Variants in PLCB4 observed in about 807,000 individuals in gnomAD.
The protein encoded by PLCB4 is phospholipase C beta 4, also known as 1-phosphatidylinositol 4,5-bisphosphate phosphodiesterase beta-4.
In PLCB4, 77 loss-of-function variants were observed where a neutral mutation model predicts 178.8. That is an observed-to-expected ratio of 0.43 (90% CI 0.36 to 0.52). The LOEUF is 0.52. Among genes scored for constraint, PLCB4 ranks in the 20% least tolerant of loss-of-function variants. The pLI, the probability that PLCB4 is intolerant of heterozygous loss-of-function variation, is 0.00. For synonymous variants in PLCB4, 496 were observed against 490.8 expected (o/e 1.01, Z -0.14); for missense variants, 1,024 against 1,453.4 (o/e 0.70, Z 4.80).
At chr20:9,084,883 T>C (rs1337079183) in intron 1 of PLCB4, among the ~76,000 whole-genome samples, 3 of 152,014 alleles carry the variant, frequency 2.0e-5, no homozygotes, top group Non-Finnish European at 4.4e-5. Context: ...AAACCCCGTC[T>C]CTACTGAAAA....
intron 2 of PLCB4, among the ~76,000 whole-genome samples, chr20:9,183,101 G>A (rs1332029120): frequency 6.6e-6 from 1 of 152,020 alleles, no homozygotes; most frequent in Non-Finnish European, 1.5e-5. Context: ...CCCCTGCCCC[G>A]GAGGATGTTG....
chr20:9,407,314 A>G (rs2039515382), intron 21 of PLCB4, among the ~76,000 whole-genome samples: 1 of 152,162 alleles, frequency 6.6e-6, no homozygotes, highest in Non-Finnish European at 1.5e-5. Context: ...CTCAATTTGT[A>G]AAAATATGAT....
intron 2 of PLCB4, among the ~76,000 whole-genome samples, chr20:9,120,393 G>T (rs1402711149): frequency 6.6e-6 from 1 of 152,080 alleles, no homozygotes; most frequent in South Asian, 2.1e-4. Context: ...TCCCAAAAGT[G>T]CTGGGATTAC....
chr20:9,428,584 CT>C (rs1238988277), intron 28 of PLCB4, among the ~76,000 whole-genome samples: 1 of 152,116 alleles, frequency 6.6e-6, no homozygotes, highest in Non-Finnish European at 1.5e-5. Flanking sequence ...AATGCTTAAT[CT>C]TTTGGTAGGA....
chr20:9,403,429 A>AAGAAACCAGGAAAG (rs2039193824), intron 20 of PLCB4, among the ~76,000 whole-genome samples: 2 of 152,202 alleles, frequency 1.3e-5, no homozygotes, highest in Non-Finnish European at 2.9e-5. Flanking sequence ...CAGTGTTAAC[A>AAGAAACCAGGAAAG]GAAGGACTGA....
At chr20:9,109,214 A>G (rs2091487560) in intron 2 of PLCB4, among the ~76,000 whole-genome samples, 1 of 152,204 alleles carries the variant, frequency 6.6e-6, no homozygotes, top group Admixed American at 6.6e-5. Flanking sequence ...TGGCTATAAG[A>G]GTACCAGAAT....
At position 9,229,616 on chromosome 20, in the gene PLCB4, A is replaced by AT. The variant is rs540907171; in HGVS notation, c.-16+12174dup. Among the ~76,000 whole-genome samples, 29 of 149,466 alleles carry AT rather than the reference A, an allele frequency of 1.9e-4. No homozygotes were observed. The East Asian group carries it at 2.8e-3, about 14-fold the overall frequency. On this transcript the variant is annotated intron_variant, in intron 3 of 39. Transcript: ENST00000378473. ...TGTTTTCTCAAGATGTGGTGAACTTATTTTTTTTTTATTTGGTACCTTTTA... is the reference window on the plus strand; with the variant it reads ...TGTTTTCTCAAGATGTGGTGAACTTATTTTTTTTTTTATTTGGTACCTTTTA...
intron 7 of PLCB4, among the ~76,000 whole-genome samples, chr20:9,341,758 G>C: frequency 6.6e-6 from 1 of 151,914 alleles, no homozygotes; most frequent in Non-Finnish European, 1.5e-5. Flanking sequence ...GTTGGGGGTG[G>C]GGGGATGTAT....
rs572815476 is a variant in PLCB4 at position 9,344,329 on chromosome 20, G to A, written c.369+5292G>A. Among the ~76,000 whole-genome samples the A allele has an allele frequency of 3.9e-5, 6 of 152,168 alleles. No homozygotes were observed. The East Asian group carries it at 7.7e-4, about 20-fold the overall frequency. ...GGAGCTCCCCATTTCACCAGCCTTC[G>A]GCACTTCCTCACTCCTTTTCCTGCT... On this transcript the variant is annotated intron_variant, in intron 7 of 39. Coordinates refer to ENST00000378473, the MANE Select transcript of PLCB4 (RefSeq NM_001377142.1).
At chr20:9,331,997 A>G (rs924221109) in intron 4 of PLCB4, among the ~76,000 whole-genome samples, 8 of 152,192 alleles carry the variant, frequency 5.3e-5, no homozygotes, top group African/African-American at 1.9e-4. Flanking sequence ...GTGGCCTAAG[A>G]GTTGGGCTGG....
rs189984946 is a variant in PLCB4, at chr20:9,095,916, T to G, written c.-134-371T>G. Among the ~76,000 whole-genome samples, 26 of 152,292 alleles carry G rather than the reference T, an allele frequency of 1.7e-4. No homozygotes were observed. In the East Asian group the frequency reaches 3.1e-3, roughly 18 times the overall value. ...GAAAAGCAGAAACAAGAGTGGAGTT[T>G]TATATATTTCCTTCTTTGTTTATAC... On this transcript the variant is annotated intron_variant, in intron 1 of 39. Coordinates refer to ENST00000378473, the MANE Select transcript of PLCB4 (RefSeq NM_001377142.1).
chr20:9,275,307 A>G lies in PLCB4; in HGVS notation c.-15-32493A>G, dbSNP rs531513000. ...ACTTATTCAGTATCACAAGAATAGC[A>G]TGGGAAAGACTGACTCCCATGATTC... On this transcript the variant is annotated intron_variant, in intron 3 of 39. Coordinates refer to ENST00000378473, the MANE Select transcript of PLCB4 (RefSeq NM_001377142.1). 3.3e-4 allele frequency among the ~76,000 whole-genome samples: 50 copies of G among 152,140 alleles called. No homozygotes were observed. In the South Asian group the frequency reaches 0.01, roughly 32 times the overall value.
chr20:9,073,110 A>T (rs78342000), intron 1 of PLCB4, among the ~76,000 whole-genome samples: 1 of 152,224 alleles, frequency 6.6e-6, no homozygotes, highest in East Asian at 1.9e-4. Context: ...CAGGCAAATC[A>T]TGGCTTTAAG....
intron 28 of PLCB4, among the ~76,000 whole-genome samples, chr20:9,434,461 C>T (rs1228137328): frequency 3.9e-5 from 6 of 152,094 alleles, no homozygotes; most frequent in South Asian, 2.1e-4. Flanking sequence ...CTGCAACCTC[C>T]GCCTCCTGGG....
At chr20:9,118,231 C>A in intron 2 of PLCB4, among the ~76,000 whole-genome samples, 1 of 112,956 alleles carries the variant, frequency 8.9e-6, no homozygotes, top group African/African-American at 3.5e-5. Flanking sequence ...CTCCCCCCAC[C>A]CCACCACAGT....
chr20:9,262,409 C>T (rs926002271), intron 3 of PLCB4, among the ~76,000 whole-genome samples: 2 of 152,096 alleles, frequency 1.3e-5, no homozygotes, highest in African/African-American at 4.8e-5. Flanking sequence ...GCAGGCCAGC[C>T]ACTTGTCTCC....
chr20:9,153,050 T>A (rs1412496938), intron 2 of PLCB4, among the ~76,000 whole-genome samples: 1 of 152,170 alleles, frequency 6.6e-6, no homozygotes, highest in East Asian at 1.9e-4. Context: ...ATGCCTCCTA[T>A]TTGGAACAGC....
chr20:9,157,430 A>G (rs1282206730), intron 2 of PLCB4, among the ~76,000 whole-genome samples: 1 of 152,182 alleles, frequency 6.6e-6, no homozygotes, highest in Non-Finnish European at 1.5e-5. Context: ...GTTTAAATAC[A>G]TTTTGGTTGG....
intron 32 of PLCB4, among the ~76,000 whole-genome samples, chr20:9,453,061 GA>G (rs2122295495): frequency 6.6e-6 from 1 of 152,284 alleles, no homozygotes; most frequent in East Asian, 1.9e-4. Flanking sequence ...TGTATATGTA[GA>G]AGAAAGGACT....
Sources: allele counts gnomAD v4.1 joint callset (sites outside exome capture counted in the v4.1 genomes callset), GRCh38; gene constraint gnomAD v4.1.1; transcripts MANE v1.5; gene names NCBI Gene and HGNC (gene_info 2026-07-23, HGNC 2026-07-21).